The following ADIPOR2 variants were observed in gnomAD, a reference collection of about 807,000 sequenced individuals.
The protein encoded by ADIPOR2 is adiponectin receptor protein 2.
ADIPOR2 carries 18 observed loss-of-function variants against 40.9 expected under a neutral mutation model. That is an observed-to-expected ratio of 0.44 (90% CI 0.30 to 0.65). The LOEUF is 0.65. ADIPOR2 is among the 30% of genes least tolerant of loss of function. The probability of loss-of-function intolerance (pLI) is 0.09; values close to 1 mark genes in which losing one functional copy is unlikely to be tolerated. For missense variants in ADIPOR2, 283 were observed against 479.2 expected, an observed-to-expected ratio of 0.59 and a Z score of 3.82; for synonymous variants, 165 against 166.4, an observed-to-expected ratio of 0.99 and a Z score of 0.06.
chr12:1,701,645 C>CTT (rs1461394896), intron 1 of ADIPOR2, among the ~76,000 whole-genome samples: 4 of 152,118 alleles, frequency 2.6e-5, no homozygotes, highest in Non-Finnish European at 5.9e-5. Flanking sequence ...AATAGTCATA[C>CTT]TTTTATCTGC....
chr12:1,735,082 T>C (rs999151429), intron 1 of ADIPOR2, among the ~76,000 whole-genome samples: 4 of 152,332 alleles, frequency 2.6e-5, no homozygotes, highest in African/African-American at 9.6e-5. Flanking sequence ...ATGTGGGCTC[T>C]TTTTTGCTTC....
At chr12:1,743,965 A>G (rs566452110) in intron 1 of ADIPOR2, among the ~76,000 whole-genome samples, 58 of 152,292 alleles carry the variant, frequency 3.8e-4, no homozygotes, top group African/African-American at 1.4e-3. Flanking sequence ...GTGCCACCCA[A>G]CGGATGAGAC....
At chr12:1,708,186 GTT>G (rs34873246) in intron 1 of ADIPOR2, among the ~76,000 whole-genome samples, 2 of 145,024 alleles carry the variant, frequency 1.4e-5, no homozygotes, top group Non-Finnish European at 3.0e-5. Context: ...GCAAATATGG[GTT>G]TTTTTTTTTT....
rs533814006 is a variant in ADIPOR2 at position 1,711,682 on chromosome 12, G to C, written c.-87+20491G>C. On this transcript the variant is annotated intron_variant, in intron 1 of 7. Transcript: ENST00000357103. ...TTCTTTTCTGTCTCTTCCTCTCTCT[G>C]TTTCTCTCTTTCTGACTCCCTCTTT... Among the ~76,000 whole-genome samples the C allele has an allele frequency of 6.0e-5, 9 of 149,084 alleles. No homozygotes were observed. The South Asian group carries it at 1.5e-3, about 24-fold the overall frequency.
chr12:1,782,262 T>C (rs1286520491), intron 6 of ADIPOR2, among the ~76,000 whole-genome samples: 1 of 152,230 alleles, frequency 6.6e-6, no homozygotes, highest in African/African-American at 2.4e-5. Flanking sequence ...TCCATTTTAT[T>C]TGTGAGTATG....
chr12:1,743,244 A>AAAAAAAAC (rs1565645447), intron 1 of ADIPOR2, among the ~76,000 whole-genome samples: 1 of 147,368 alleles, frequency 6.8e-6, no homozygotes, highest in South Asian at 2.1e-4. Flanking sequence ...AAAAAAAAAA[A>AAAAAAAAC]AACAAAGCAG....
intron 1 of ADIPOR2, among the ~76,000 whole-genome samples, chr12:1,737,532 G>A (rs2094733396): frequency 6.6e-6 from 1 of 152,152 alleles, no homozygotes; most frequent in South Asian, 2.1e-4. Context: ...TGGAAAAGAA[G>A]TACACCAGTG....
intron 2 of ADIPOR2, among the ~76,000 whole-genome samples, chr12:1,768,675 A>G (rs186057321): frequency 1.3e-5 from 2 of 152,306 alleles, no homozygotes; most frequent in Admixed American, 6.5e-5. Flanking sequence ...CTTTATCACT[A>G]TGGTTCTCTG....
chr12:1,707,648 T>A (rs1395448392), intron 1 of ADIPOR2, among the ~76,000 whole-genome samples: 3 of 152,070 alleles, frequency 2.0e-5, no homozygotes, highest in Admixed American at 2.0e-4. Context: ...TTTGTAAAAA[T>A]TTTTATGTAG....
intron 1 of ADIPOR2, among the ~76,000 whole-genome samples, chr12:1,706,601 T>G (rs1279211671): frequency 6.6e-6 from 1 of 152,216 alleles, no homozygotes; most frequent in Non-Finnish European, 1.5e-5. Flanking sequence ...AAAATCAACT[T>G]TATTGAAATA....
At chr12:1,742,106 C>CTT in intron 1 of ADIPOR2, among the ~76,000 whole-genome samples, 1 of 151,996 alleles carries the variant, frequency 6.6e-6, no homozygotes. Context: ...TTCTCTCTCT[C>CTT]TTTTTTTAAG....
chr12:1,716,194 A>G (rs750444696), intron 1 of ADIPOR2, among the ~76,000 whole-genome samples: 5 of 152,230 alleles, frequency 3.3e-5, no homozygotes, highest in Non-Finnish European at 7.3e-5. Flanking sequence ...CGACTTTACT[A>G]TGTGCAGTTA....
chr12:1,706,208 T>G (rs1403084724), intron 1 of ADIPOR2, among the ~76,000 whole-genome samples: 1 of 152,242 alleles, frequency 6.6e-6, no homozygotes, highest in Non-Finnish European at 1.5e-5. Context: ...AAGTTTACCC[T>G]CAGTCTTCTC....
chr12:1,716,808 A>G (rs566420674), intron 1 of ADIPOR2, among the ~76,000 whole-genome samples: 1 of 152,286 alleles, frequency 6.6e-6, no homozygotes, highest in South Asian at 2.1e-4. Flanking sequence ...TCATGTTATA[A>G]TCATTTGCTT....
intron 1 of ADIPOR2, chr12:1,697,128 G>A (rs1414397454): frequency 6.6e-6 from 1 of 152,210 alleles, no homozygotes; most frequent in Non-Finnish European, 1.5e-5. Context: ...AGATTTATGA[G>A]CATCATGTTA....
At chr12:1,774,139 T>C (rs747760757) in intron 3 of ADIPOR2, among the ~76,000 whole-genome samples, 5 of 152,168 alleles carry the variant, frequency 3.3e-5, no homozygotes, top group Non-Finnish European at 7.3e-5. Flanking sequence ...GCAAATTTGG[T>C]GTGAAGAAAT....
At chr12:1,711,596 GTC>G (rs944388778) in intron 1 of ADIPOR2, among the ~76,000 whole-genome samples, 1 of 124,748 alleles carries the variant, frequency 8.0e-6, no homozygotes, top group Non-Finnish European at 1.7e-5. Flanking sequence ...CTATCTCTGT[GTC>G]TCTCTTTGTC....
At chr12:1,724,254 TAC>T (rs1266574303) in intron 1 of ADIPOR2, among the ~76,000 whole-genome samples, 1 of 152,204 alleles carries the variant, frequency 6.6e-6, no homozygotes, top group Non-Finnish European at 1.5e-5. Flanking sequence ...GTGCTGGGAT[TAC>T]AGATGTGAGC....
intron 1 of ADIPOR2, among the ~76,000 whole-genome samples, chr12:1,693,628 G>A (rs1183364531): frequency 6.6e-6 from 1 of 151,836 alleles, no homozygotes; most frequent in Non-Finnish European, 1.5e-5. Context: ...CTGCCTCCTG[G>A]GTTCAAGCAA....
Sources: allele counts gnomAD v4.1 joint callset (sites outside exome capture counted in the v4.1 genomes callset), GRCh38; gene constraint gnomAD v4.1.1; transcripts MANE v1.5; gene names NCBI Gene and HGNC (gene_info 2026-07-23, HGNC 2026-07-21).